The following SHISA6 variants were observed in gnomAD, a reference collection of about 807,000 sequenced individuals.
The protein encoded by SHISA6 is shisa family member 6, also known as protein shisa-6.
A neutral mutation model predicts 47.9 loss-of-function variants in SHISA6; 22 were observed. The ratio of observed to expected loss-of-function variants is 0.46; its 90% CI spans 0.33 to 0.66. SHISA6 has a LOEUF of 0.66. Ranked by LOEUF, SHISA6 falls within the 30% of genes least tolerant of loss-of-function variation. The pLI is 0.02. For missense variants in SHISA6, 680 were observed against 764.6 expected (o/e 0.89, Z 1.30); for synonymous variants, 388 against 337.8 (o/e 1.15, Z -1.63).
chr17:11,427,376 G>A (rs181262595), intron 3 of SHISA6, among the ~76,000 whole-genome samples: 188 of 152,136 alleles, frequency 1.2e-3, no homozygotes, highest in Admixed American at 2.3e-3. Flanking sequence ...CTTGTGATCC[G>A]CCCATCTTGG....
chr17:11,500,668 C>T (rs919680514), intron 3 of SHISA6, among the ~76,000 whole-genome samples: 1 of 152,170 alleles, frequency 6.6e-6, no homozygotes, highest in Non-Finnish European at 1.5e-5. Flanking sequence ...GAACATGTGG[C>T]TGTTTAAATT....
intron 3 of SHISA6, among the ~76,000 whole-genome samples, chr17:11,536,649 A>G (rs1287912150): frequency 6.6e-6 from 1 of 152,076 alleles, no homozygotes; most frequent in East Asian, 1.9e-4. Context: ...CTCCATAGGG[A>G]GCCCACCTGC....
At chr17:11,384,623 C>A in intron 3 of SHISA6, among the ~76,000 whole-genome samples, 1 of 152,176 alleles carries the variant, frequency 6.6e-6, no homozygotes, top group East Asian at 1.9e-4. Flanking sequence ...ATATCCCTGG[C>A]CACACCAGGG....
chr17:11,272,745 C>A (rs1005742364), intron 2 of SHISA6, among the ~76,000 whole-genome samples: 2 of 152,182 alleles, frequency 1.3e-5, no homozygotes, highest in Non-Finnish European at 2.9e-5. Context: ...ATGTGAACCC[C>A]ATATTTGGGT....
At chr17:11,245,024 TC>T (rs1907520544) in intron 1 of SHISA6, among the ~76,000 whole-genome samples, 1 of 152,210 alleles carries the variant, frequency 6.6e-6, no homozygotes, top group African/African-American at 2.4e-5. Context: ...GGGTAGGACT[TC>T]CTTTCATCTC....
At chr17:11,293,226 A>G (rs2142170981) in intron 2 of SHISA6, among the ~76,000 whole-genome samples, 1 of 152,282 alleles carries the variant, frequency 6.6e-6, no homozygotes, top group South Asian at 2.1e-4. Context: ...TATGGAATCA[A>G]GGAGCTTTTT....
intron 3 of SHISA6, among the ~76,000 whole-genome samples, chr17:11,505,242 G>A (rs533054631): frequency 6.6e-6 from 1 of 152,338 alleles, no homozygotes; most frequent in African/African-American, 2.4e-5. Context: ...GGAGGTGGAA[G>A]TATGGCTTAT....
chr17:11,357,463 C>CA (rs1567583422), intron 2 of SHISA6, among the ~76,000 whole-genome samples: 2 of 152,198 alleles, frequency 1.3e-5, no homozygotes, highest in East Asian at 3.9e-4. Context: ...TATTACATCC[C>CA]AAAAAATGCC....
At chr17:11,490,350 G>A (rs926257896) in intron 3 of SHISA6, among the ~76,000 whole-genome samples, 5 of 152,078 alleles carry the variant, frequency 3.3e-5, no homozygotes, top group African/African-American at 1.2e-4. Context: ...TAAGAGAAGA[G>A]GAAAAATGAA....
chr17:11,345,778 A>T (rs1308632169), intron 2 of SHISA6, among the ~76,000 whole-genome samples: 3 of 152,168 alleles, frequency 2.0e-5, no homozygotes, highest in Admixed American at 6.5e-5. Context: ...GCTATTAAAT[A>T]GAAGTAGAAC....
chr17:11,293,940 C>T (rs1038602918), intron 2 of SHISA6, among the ~76,000 whole-genome samples: 3 of 152,148 alleles, frequency 2.0e-5, no homozygotes, highest in Non-Finnish European at 4.4e-5. Flanking sequence ...GGCTGGAATG[C>T]AGTGGCACAA....
intron 3 of SHISA6, among the ~76,000 whole-genome samples, chr17:11,441,332 A>C (rs1915088396): frequency 6.6e-6 from 1 of 152,190 alleles, no homozygotes; most frequent in Non-Finnish European, 1.5e-5. Flanking sequence ...AATCTGCTTC[A>C]TTTTTAAGGT....
At chr17:11,387,525 ATGAAGCCAGGCC>A (rs1913238029) in intron 3 of SHISA6, among the ~76,000 whole-genome samples, 1 of 152,148 alleles carries the variant, frequency 6.6e-6, no homozygotes, top group Admixed American at 6.5e-5. Context: ...TGAGAAGGGC[ATGAAGCCAGGCC>A]TGGCTTATAA....
chr17:11,546,996 C>G (rs2071889198), intron 3 of SHISA6, among the ~76,000 whole-genome samples: 1 of 151,454 alleles, frequency 6.6e-6, no homozygotes, highest in Non-Finnish European at 1.5e-5. Context: ...ATGCGATAAA[C>G]AAGACACAGA....
At chr17:11,505,200 G>A (rs1057329793) in intron 3 of SHISA6, among the ~76,000 whole-genome samples, 2 of 152,168 alleles carry the variant, frequency 1.3e-5, no homozygotes, top group African/African-American at 4.8e-5. Flanking sequence ...TTTCCAAAAA[G>A]GAGTTTATAA....
chr17:11,272,478 C>T (rs1050634245), intron 2 of SHISA6, among the ~76,000 whole-genome samples: 14 of 152,124 alleles, frequency 9.2e-5, no homozygotes, highest in African/African-American at 3.4e-4. Flanking sequence ...CAGTTTGGAA[C>T]CCCGCTCTGC....
intron 2 of SHISA6, among the ~76,000 whole-genome samples, chr17:11,335,009 G>T (rs1360366692): frequency 6.6e-6 from 1 of 152,202 alleles, no homozygotes; most frequent in Non-Finnish European, 1.5e-5. Flanking sequence ...GATGTGGGAG[G>T]CTGGCAACTT....
intron 3 of SHISA6, among the ~76,000 whole-genome samples, chr17:11,477,955 A>C (rs1328077905): frequency 1.2e-4 from 16 of 130,324 alleles, no homozygotes; most frequent in African/African-American, 4.7e-4. Flanking sequence ...TGGCTGGGTC[A>C]AATGGTATTT....
chr17:11,276,606 C>G (rs1367012556), intron 2 of SHISA6, among the ~76,000 whole-genome samples: 1 of 152,026 alleles, frequency 6.6e-6, no homozygotes, highest in Non-Finnish European at 1.5e-5. Context: ...GTCACCACCA[C>G]CACCACCATC....
Sources: allele counts gnomAD v4.1 joint callset (sites outside exome capture counted in the v4.1 genomes callset), GRCh38; gene constraint gnomAD v4.1.1; transcripts MANE v1.5; gene names NCBI Gene and HGNC (gene_info 2026-07-23, HGNC 2026-07-21).